The following RGS9 variants were observed in gnomAD, a reference collection of about 807,000 sequenced individuals.
RGS9 encodes regulator of G-protein signalling 9.
Under a neutral mutation model 102.0 loss-of-function variants are expected in RGS9, and 78 were observed. That is an observed-to-expected ratio of 0.76 (90% CI 0.64 to 0.92). The LOEUF (loss-of-function observed/expected upper bound fraction) is 0.92. Ranked by LOEUF, RGS9 falls within the 40% of genes least tolerant of loss-of-function variation. RGS9 has a pLI of 0.00. For synonymous variants in RGS9, 353 were observed against 318.6 expected (o/e 1.11, Z -1.15); for missense variants, 833 against 866.1 (o/e 0.96, Z 0.48).
At chr17:65,140,749 C>T (rs1023439228) in intron 1 of RGS9, among the ~76,000 whole-genome samples, 1 of 152,116 alleles carries the variant, frequency 6.6e-6, no homozygotes, top group East Asian at 1.9e-4. Flanking sequence ...GTGGTGAGCA[C>T]CTGTAATCCC....
intron 12 of RGS9, among the ~76,000 whole-genome samples, chr17:65,196,509 G>C (rs1372498245): frequency 6.6e-6 from 1 of 152,236 alleles, no homozygotes; most frequent in East Asian, 1.9e-4. Context: ...TATCCTACCT[G>C]GGATCAGGGA....
At chr17:65,222,158 C>T (rs1403029221) in intron 17 of RGS9, among the ~76,000 whole-genome samples, 2 of 152,250 alleles carry the variant, frequency 1.3e-5, no homozygotes, top group Non-Finnish European at 2.9e-5. Context: ...CTGGGAGCTG[C>T]TCTCAGCAGC....
At chr17:65,202,277 G>A (rs1285886751) in intron 14 of RGS9, among the ~76,000 whole-genome samples, 197 bp downstream of exon 14, 1 of 152,078 alleles carries the variant, frequency 6.6e-6, no homozygotes, top group Admixed American at 6.6e-5. Flanking sequence ...CCTGAAGAAA[G>A]CCTGGTGAGA....
Position 65,173,639 on chromosome 17 carries a change from A to G in RGS9, c.583-4093A>G, listed in dbSNP as rs1911505384. 6.6e-6 allele frequency among the ~76,000 whole-genome samples: 1 copy of G among 152,248 alleles called. No homozygotes were observed. The highest frequency in any genetic ancestry group is 2.4e-5 in the African/African-American group (1 of 41,472). On this transcript the variant is annotated intron_variant, in intron 8 of 18. Coordinates refer to ENST00000262406, the MANE Select transcript of RGS9 (RefSeq NM_003835.4). The surrounding 1 kb of genome is among the most constrained non-coding windows in gnomAD (Gnocchi z 4.8). ...CTGAAGGCTTCCTGCATGAGGCACC[A>G]GGGCAGAAAGTGCCTGCTGCCTCCT...
rs775434651 is a variant in RGS9 at position 65,225,293 on chromosome 17, C to T, written c.1699C>T (p.Arg567Cys). 3.0e-5 allele frequency: 49 copies of T among 1,608,772 alleles called. No homozygotes were observed. The Admixed American group carries it at 5.3e-4, about 18-fold the overall frequency. ...GGCCTCCCTCGACACCTCCTGGCCT[C>T]GCAGCCGGCCCAGGGCCCCTCCTAA... Reference protein sequence around the residue: ...SEASLDTSWPRSRPRAPPKAR... With the variant: ...SEASLDTSWPCSRPRAPPKAR... The change falls in exon 18 of 19, where the codon CGC (arginine) becomes TGC (cysteine). Residue 567 changes from arginine (R) to cysteine (C), a missense_variant. Physicochemically the swap from Arg to Cys is radical, Grantham distance 180. This residue lies in a region of RGS9 where 320 missense variants were observed against 276.8 expected (regional missense o/e 1.16). Coordinates refer to ENST00000262406, the MANE Select transcript of RGS9 (RefSeq NM_003835.4).
chr17:65,168,352 C>G, intron 8 of RGS9, 71 bp downstream of exon 8: 1 of 1,057,768 alleles, frequency 9.5e-7, no homozygotes, highest in Non-Finnish European at 1.4e-6. Flanking sequence ...GCTCTCCATA[C>G]CTGTTGCCAA....
chr17:65,225,445 G>C lies in RGS9; in HGVS notation c.1851G>C (p.Val617=), dbSNP rs77175573. The C allele has an allele frequency of 9.1e-4, 1,463 of 1,607,154 alleles. 13 individuals are homozygous for C. In the African/African-American group the frequency reaches 0.015, roughly 17 times the overall value. Residue 617 remains valine, a synonymous_variant, in exon 18 of 19, where the codon GTG becomes GTC. Transcript: ENST00000262406. ...SHGRVQPLGD[V]GQQLPRLKSK... is the part of the protein sequence containing the mutation. ...GGAGGGTGCAGCCCCTGGGGGACGT[G>C]GGCCAGCAGCTGCCACGATTGAAAT...
chr17:65,163,204 T>G, intron 7 of RGS9, 115 bp downstream of exon 7: 1 of 473,850 alleles, frequency 2.1e-6, no homozygotes. Context: ...AGACAGAGTC[T>G]TGCTCTGTCG....
At chr17:65,215,465 T>C (rs1458023844) in intron 17 of RGS9, among the ~76,000 whole-genome samples, 2 of 148,436 alleles carry the variant, frequency 1.3e-5, no homozygotes, top group African/African-American at 2.6e-5. Flanking sequence ...TCTCTTTCTT[T>C]CTTTCTTTCT....
Position 65,168,269 on chromosome 17 carries a change from G to T in RGS9, c.570G>T (p.Val190=). 3 of 1,607,874 alleles carry T rather than the reference G, an allele frequency of 1.9e-6. No individual in the cohort carries two copies. Among genetic ancestry groups the T allele is most frequent in the Non-Finnish European group, 1.7e-6 (2 of 1,176,618 alleles). ...GCCAGGAGAAGGCATACTGGCTGGTGCACCGATGCCCTGTGAGTATCCTCC... is the reference window on the plus strand; with the variant it reads ...GCCAGGAGAAGGCATACTGGCTGGTTCACCGATGCCCTGTGAGTATCCTCC... ...LDCQEKAYWL[V]HRCPPGMDNV... is the part of the protein sequence containing the mutation. Residue 190 remains valine (V), a synonymous_variant, in exon 8 of 19, where the codon GTG becomes GTT. Transcript: ENST00000262406.
intron 8 of RGS9, among the ~76,000 whole-genome samples, chr17:65,169,819 T>C (rs76682490): frequency 0.032 from 4,931 of 152,018 alleles, 263 homozygotes; most frequent in African/African-American, 0.11. Context: ...CTATGACCAC[T>C]GCCTCCCCCC....
At chr17:65,191,175 AATC>A (rs1912351608) in intron 11 of RGS9, among the ~76,000 whole-genome samples, 1 of 152,150 alleles carries the variant, frequency 6.6e-6, no homozygotes, top group African/African-American at 2.4e-5. Context: ...GGGTTATAAT[AATC>A]ATCATTGTTC....
In RGS9 at chr17:65,139,155, C is replaced by T. The variant is rs75483784; in HGVS notation, c.57+1558C>T. On this transcript the variant is annotated intron_variant, in intron 1 of 18. Transcript: ENST00000262406. ...CCACCCCAGGTCCTCTTCCTCCACC[C>T]TGTCTTCCCCTTCCTCTACCCCATC... 1.5e-3 allele frequency among the ~76,000 whole-genome samples: 212 copies of T among 140,148 alleles called. 1 individual carries two copies. Among genetic ancestry groups the T allele is most frequent in the African/African-American group, 5.6e-3 (202 of 35,950 alleles). The allele number at this position is 140,148 out of a possible 152,430, so 91.9% of individuals were successfully genotyped here.
At chr17:65,177,954 G>A in intron 9 of RGS9, 151 bp downstream of exon 9, 1 of 726,848 alleles carries the variant, frequency 1.4e-6, no homozygotes, top group East Asian at 2.7e-5. Flanking sequence ...TGGACTCAGG[G>A]TTAGGGGAGA....
intron 17 of RGS9, among the ~76,000 whole-genome samples, chr17:65,218,991 G>T (rs1913606440): frequency 6.6e-6 from 1 of 152,234 alleles, no homozygotes; most frequent in Admixed American, 6.5e-5. Flanking sequence ...GGTTGGCAAG[G>T]ACTGCTAGCC....
At chr17:65,227,182 A>T (rs1368199172) in intron 18 of RGS9, 93 bp from the exon 19 acceptor site, 1 of 1,561,844 alleles carries the variant, frequency 6.4e-7, no homozygotes, top group East Asian at 2.2e-5. Flanking sequence ...TGCACCTGGT[A>T]TGTTCATCTT....
chr17:65,139,413 C>G (rs1334988946), intron 1 of RGS9, among the ~76,000 whole-genome samples: 1 of 151,962 alleles, frequency 6.6e-6, no homozygotes, highest in Non-Finnish European at 1.5e-5. Context: ...CCCTGAGCAG[C>G]CTGGTTACCC....
chr17:65,154,050 C>T (rs570898104), intron 2 of RGS9, among the ~76,000 whole-genome samples: 1 of 150,528 alleles, frequency 6.6e-6, no homozygotes, highest in Non-Finnish European at 1.5e-5. Context: ...CTTACACCTA[C>T]AATCCCAGCA....
intron 9 of RGS9, among the ~76,000 whole-genome samples, chr17:65,181,256 C>T (rs1047889669): frequency 1.3e-5 from 2 of 152,216 alleles, no homozygotes; most frequent in African/African-American, 4.8e-5. Context: ...TAATTTCATT[C>T]CCACCAGAAG....
Sources: gnomAD v4.1 joint callset for allele counts (sites outside exome capture counted in the v4.1 genomes callset) on GRCh38, gnomAD v4.1.1 for gene constraint, gnomAD v4.1.1 regional missense constraint, Gnocchi (gnomAD v3.1) non-coding constraint, MANE v1.5 for transcripts, NCBI Gene and HGNC (gene_info 2026-07-23, HGNC 2026-07-21) for gene names.